RGL2: variants seen among roughly 807,000 people sequenced by gnomAD.
The protein encoded by RGL2 is ral guanine nucleotide dissociation stimulator like 2, also known as ral guanine nucleotide dissociation stimulator-like 2.
Under a neutral mutation model 84.6 loss-of-function variants are expected in RGL2, and 40 were observed. That is an observed-to-expected ratio of 0.47 (90% CI 0.37 to 0.62). The LOEUF (loss-of-function observed/expected upper bound fraction) is 0.62. Among genes scored for constraint, RGL2 ranks in the 20% least tolerant of loss-of-function variants. The probability of loss-of-function intolerance (pLI) is 0.00; values close to 1 mark genes in which losing one functional copy is unlikely to be tolerated. For synonymous variants in RGL2, 369 were observed against 417.3 expected, an observed-to-expected ratio of 0.88 and a Z score of 1.41; for missense variants, 865 against 1,019.7, an observed-to-expected ratio of 0.85 and a Z score of 2.07.
In RGL2 at chr6:33,297,133, G is replaced by T; in HGVS notation, c.157-18C>A. On this transcript the variant is annotated intron_variant, in intron 2 of 17. Coordinates refer to ENST00000497454, the MANE Select transcript of RGL2 (RefSeq NM_004761.5). The surrounding 1 kb of genome is among the most constrained non-coding windows in gnomAD (Gnocchi z 4.0). Reference sequence around the variant, plus strand: ...ACAGGGGCCTGGAGGAGCAAGGAAGGGGAAGTCAGACAGTTCCACACCACC... The same window carrying T: ...ACAGGGGCCTGGAGGAGCAAGGAAGTGGAAGTCAGACAGTTCCACACCACC... The T allele has an allele frequency of 6.5e-7, 1 of 1,536,180 alleles. No homozygotes were observed. Among genetic ancestry groups the T allele is most frequent in the Non-Finnish European group, 8.7e-7 (1 of 1,146,048 alleles).
At position 33,292,101 on chromosome 6, in the gene RGL2, C is replaced by T. The variant is rs1334180310; in HGVS notation, c.*1G>A. ...TTCTGTAAGCCAACGGGGCTTCCTC[C>T]TCAGAACAGTGCCCGTGCAATCTTC... On this transcript the variant is annotated 3_prime_UTR_variant, in exon 18 of 18. Transcript: ENST00000497454. The T allele has an allele frequency of 6.2e-7, 1 of 1,614,172 alleles. No individual in the cohort carries two copies. The highest frequency in any genetic ancestry group is 1.7e-5 in the Admixed American group (1 of 60,032).
At position 33,295,978 on chromosome 6, in the gene RGL2, G is replaced by A; in HGVS notation, c.768+50C>T. The A allele has an allele frequency of 1.2e-6, 2 of 1,601,572 alleles. No homozygotes were observed. The highest frequency in any genetic ancestry group is 1.7e-6 in the Non-Finnish European group (2 of 1,170,750). ...CAAGGAAAGGATCTGGAGTCAAGGA[G>A]AGGTTAGTAAGGGGTCAGGGGGCAT... On this transcript the variant is annotated intron_variant, in intron 6 of 17. Coordinates refer to ENST00000497454, the MANE Select transcript of RGL2 (RefSeq NM_004761.5). This position sits in a 1 kb window ranked among gnomAD's most constrained non-coding sequence, Gnocchi z 7.2.
Position 33,295,286 on chromosome 6 carries a change from C to A in RGL2, c.1124+33G>T. The A allele has an allele frequency of 6.4e-7, 1 of 1,560,492 alleles. No individual in the cohort carries two copies. The highest frequency in any genetic ancestry group is 8.7e-7 in the Non-Finnish European group (1 of 1,151,856). ...CCCTCTTCCCCGCCTTCTGAGGAAC[C>A]CCCACCCCAGTCCAATGCCTCAGCC... On this transcript the variant is annotated intron_variant, in intron 8 of 17. Coordinates refer to ENST00000497454, the MANE Select transcript of RGL2 (RefSeq NM_004761.5). This position sits in a 1 kb window ranked among gnomAD's most constrained non-coding sequence, Gnocchi z 7.2.
chr6:33,296,644 G>A lies in RGL2; in HGVS notation c.373C>T (p.Arg125Trp), dbSNP rs773253574. The A allele has an allele frequency of 5.6e-6, 9 of 1,613,864 alleles. No homozygotes were observed. Among genetic ancestry groups the A allele is most frequent in the Admixed American group, 1.7e-5 (1 of 60,018 alleles). ...AAGGCAGGCGTGGAGGTGAAGGCCC[G>A]GTGGGTAGCCAGGAAGGCTGACATG... is the stretch of plus-strand genomic sequence containing the variant. ...SFMSAFLATH[R>W]AFTSTPALLG... The change falls in exon 4 of 18, where the codon CGG becomes TGG. Residue 125 changes from arginine to tryptophan, a missense_variant. Coordinates refer to ENST00000497454, the MANE Select transcript of RGL2 (RefSeq NM_004761.5). The surrounding 1 kb of genome is among the most constrained non-coding windows in gnomAD (Gnocchi z 5.0).
Position 33,292,435 on chromosome 6 carries a change from T to C in RGL2, c.2117A>G (p.Glu706Gly). The C allele has an allele frequency of 6.2e-7, 1 of 1,613,986 alleles. No individual in the cohort carries two copies. The highest frequency in any genetic ancestry group is 8.5e-7 in the Non-Finnish European group (1 of 1,179,930). Reference sequence around the variant, plus strand: ...TTTCCCTCATGGCCTCTGACCTCGCTCCCCTGGTAGCAGCTGTACCAGCTC... The same window carrying C: ...TTTCCCTCATGGCCTCTGACCTCGCCCCCCTGGTAGCAGCTGTACCAGCTC... ...EYELVQLLPG[E>G]RELTIPASAN... is the part of the protein sequence containing the mutation. Residue 706 changes from glutamate to glycine, a missense_variant, in exon 17 of 18, where the codon GAG becomes GGG. Glu to Gly is a moderately conservative substitution (Grantham distance 98). Coordinates refer to ENST00000497454, the MANE Select transcript of RGL2 (RefSeq NM_004761.5).
rs77579659 is a variant in RGL2, at chr6:33,296,485, T to C, written c.420-21A>G. 3.0e-4 allele frequency: 482 copies of C among 1,596,428 alleles called. 6 individuals carry two copies. The East Asian group carries it at 9.9e-3, about 33-fold the overall frequency. Reference sequence around the variant, plus strand: ...CCAGCCTGAGGGGGAGAAGAGGATCTATCTGTCCATTTTTCCCAAACCCTC... The same window carrying C: ...CCAGCCTGAGGGGGAGAAGAGGATCCATCTGTCCATTTTTCCCAAACCCTC... On this transcript the variant is annotated intron_variant, in intron 4 of 17. Transcript: ENST00000497454. The surrounding 1 kb of genome is among the most constrained non-coding windows in gnomAD (Gnocchi z 5.0).
upstream of RGL2, chr6:33,300,060 G>C (rs1020803769): frequency 6.5e-6 from 1 of 154,196 alleles, no homozygotes; most frequent in Non-Finnish European, 1.5e-5. Context: ...GGGCAAGGGT[G>C]GACCAGGCAA....
rs2150935051 is a variant in RGL2 at position 33,294,882 on chromosome 6, C to T, written c.1278+95G>A. The T allele has an allele frequency of 1.3e-6, 2 of 1,493,048 alleles. No individual in the cohort carries two copies. The highest frequency in any genetic ancestry group is 4.9e-5 in the East Asian group (2 of 40,614). The allele number at this position is 1,493,048 out of a possible 1,614,324, so 92.5% of individuals were successfully genotyped here. On this transcript the variant is annotated intron_variant, in intron 10 of 17. Transcript: ENST00000497454. The surrounding 1 kb of genome is among the most constrained non-coding windows in gnomAD (Gnocchi z 5.0). ...TTTCATTCTCCTCACCCCTCTGTGCCTCCCTTACCCATCCTTCAGGCTGCT... is the reference window on the plus strand; with the variant it reads ...TTTCATTCTCCTCACCCCTCTGTGCTTCCCTTACCCATCCTTCAGGCTGCT...
Position 33,293,122 on chromosome 6 carries a change from C to T in RGL2, c.1901G>A (p.Gly634Glu). 2 of 1,613,144 alleles carry T rather than the reference C, an allele frequency of 1.2e-6. No homozygotes were observed. Among genetic ancestry groups the T allele is most frequent in the East Asian group, 2.2e-5 (1 of 44,886 alleles). Residue 634 changes from glycine to glutamate, a missense_variant, in exon 16 of 18, where the codon GGG becomes GAG. Around this residue, in one of 5 missense-constraint regions of RGL2, gnomAD observed 302 missense variants for 327.9 expected, o/e 0.92. Coordinates refer to ENST00000497454, the MANE Select transcript of RGL2 (RefSeq NM_004761.5). This position sits in a 1 kb window ranked among gnomAD's most constrained non-coding sequence, Gnocchi z 7.0. Reference protein sequence around the residue: ...LSGGAEEASGGTGYGGEGSGP... With the variant: ...LSGGAEEASGETGYGGEGSGP... Reference sequence around the variant, plus strand: ...AGATCCCTCTCCCCCATATCCAGTCCCCCCGGAGGCCTCTTCTGCACCCCC... The same window carrying T: ...AGATCCCTCTCCCCCATATCCAGTCTCCCCGGAGGCCTCTTCTGCACCCCC...
At position 33,296,411 on chromosome 6, in the gene RGL2, C is replaced by T. The variant is rs1344767744; in HGVS notation, c.470+3G>A. Reference sequence around the variant, plus strand: ...GTGAGATTAAGAACCAGGGGTCACTCACTCTGTTGTCCTCTCTAGTTCGTC... The same window carrying T: ...GTGAGATTAAGAACCAGGGGTCACTTACTCTGTTGTCCTCTCTAGTTCGTC... On this transcript the variant is annotated splice_donor_region_variant and intron_variant, in intron 5 of 17. Coordinates refer to ENST00000497454, the MANE Select transcript of RGL2 (RefSeq NM_004761.5). The surrounding 1 kb of genome is among the most constrained non-coding windows in gnomAD (Gnocchi z 5.0). 6.2e-7 allele frequency: 1 copy of T among 1,610,696 alleles called. No homozygotes were observed. The highest frequency in any genetic ancestry group is 1.7e-5 in the Admixed American group (1 of 59,562).
chr6:33,294,551 G>T lies in RGL2; in HGVS notation c.1353+137C>A. 6.0e-6 allele frequency: 5 copies of T among 839,090 alleles called. No homozygotes were observed. The highest frequency in any genetic ancestry group is 1.7e-5 in the South Asian group (1 of 59,164). 52.0% of individuals were successfully genotyped at this position (839,090 alleles called of 1,614,324 possible). A position where few individuals can be genotyped will look rare whatever the true frequency, so the allele number is the denominator to read the frequency against. On this transcript the variant is annotated intron_variant, in intron 11 of 17. Coordinates refer to ENST00000497454, the MANE Select transcript of RGL2 (RefSeq NM_004761.5). The surrounding 1 kb of genome is among the most constrained non-coding windows in gnomAD (Gnocchi z 5.0). ...CATTTACAGATCACTGAGGCGACTT[G>T]GCACAGAAACAGATCTGGCTCTGTC... is the stretch of plus-strand genomic sequence containing the variant.
At position 33,291,731 on chromosome 6, in the gene RGL2, T is replaced by C. The variant is rs1767403050; in HGVS notation, c.*371A>G. The C allele has an allele frequency of 2.5e-6, 1 of 400,844 alleles. No homozygotes were observed. The allele number at this position is 400,844 out of a possible 1,614,324, so 24.8% of individuals were successfully genotyped here. On this transcript the variant is annotated 3_prime_UTR_variant, in exon 18 of 18. Coordinates refer to ENST00000497454, the MANE Select transcript of RGL2 (RefSeq NM_004761.5). ...AAACCCCCAGAGTGGGAAGAAGAGC[T>C]CCTGCGAGGACCTACATTTTGCCAT...
chr6:33,292,214 G>C lies in RGL2; in HGVS notation c.2222C>G (p.Pro741Arg), dbSNP rs1208168975. ...GGCAGACGGGCCACTGGTGACGCCAGGTGTAGCAGTAGAGGACCTTCGCCG... is the reference window on the plus strand; with the variant it reads ...GGCAGACGGGCCACTGGTGACGCCACGTGTAGCAGTAGAGGACCTTCGCCG... ...RQRRRSSTAT[P>R]GVTSGPSASG... The change falls in exon 18 of 18, where the codon CCT becomes CGT. Residue 741 changes from proline to arginine, a missense_variant. Transcript: ENST00000497454. 6.2e-7 allele frequency: 1 copy of C among 1,614,224 alleles called. No individual in the cohort carries two copies. The highest frequency in any genetic ancestry group is 1.3e-5 in the African/African-American group (1 of 75,054).
Position 33,298,328 on chromosome 6 carries a change from G to A in RGL2, c.156+127C>T. 1 of 588,450 alleles carries A rather than the reference G, an allele frequency of 1.7e-6. No homozygotes were observed. 36.5% of individuals were successfully genotyped at this position (588,450 alleles called of 1,614,324 possible). ...AGGACTCCCCGCAGCAGAGAAACGG[G>A]CCGACACCCAGGGAGGCGCGAGAAT... is the stretch of plus-strand genomic sequence containing the variant. On this transcript the variant is annotated intron_variant, in intron 2 of 17. Transcript: ENST00000497454. This position sits in a 1 kb window ranked among gnomAD's most constrained non-coding sequence, Gnocchi z 4.8.
At position 33,298,052 on chromosome 6, in the gene RGL2, T is replaced by G. The variant is rs985729710; in HGVS notation, c.156+403A>C. Reference sequence around the variant, plus strand: ...AAGGAGGGGTCACGAAATCTGAGGGTTCCCTCCCCAATCCCAGAGTCAGAG... The same window carrying G: ...AAGGAGGGGTCACGAAATCTGAGGGGTCCCTCCCCAATCCCAGAGTCAGAG... On this transcript the variant is annotated intron_variant, in intron 2 of 17. Coordinates refer to ENST00000497454, the MANE Select transcript of RGL2 (RefSeq NM_004761.5). The surrounding 1 kb of genome is among the most constrained non-coding windows in gnomAD (Gnocchi z 4.8). 1.2e-4 allele frequency: 18 copies of G among 156,000 alleles called. No individual in the cohort carries two copies. Among genetic ancestry groups the G allele is most frequent in the Admixed American group, 2.6e-4 (4 of 15,370 alleles). The allele number at this position is 156,000 out of a possible 1,614,324, so 9.7% of individuals were successfully genotyped here.
chr6:33,296,593 C>G lies in RGL2; in HGVS notation c.419+5G>C. On this transcript the variant is annotated splice_donor_5th_base_variant and intron_variant, in intron 4 of 17. Coordinates refer to ENST00000497454, the MANE Select transcript of RGL2 (RefSeq NM_004761.5). This position sits in a 1 kb window ranked among gnomAD's most constrained non-coding sequence, Gnocchi z 5.0. ...CCACTACCCTGCGTCCCTTATGACT[C>G]TGACCTGTCAGCCATAAGCCCTAGC... is the stretch of plus-strand genomic sequence containing the variant. 6.2e-7 allele frequency: 1 copy of G among 1,611,736 alleles called. No individual in the cohort carries two copies. The highest frequency in any genetic ancestry group is 8.5e-7 in the Non-Finnish European group (1 of 1,178,896).
chr6:33,292,534 T>C lies in RGL2; in HGVS notation c.2018A>G (p.Gln673Arg). The C allele has an allele frequency of 6.2e-7, 1 of 1,614,016 alleles. No individual in the cohort carries two copies. The highest frequency in any genetic ancestry group is 8.5e-7 in the Non-Finnish European group (1 of 1,179,878). Residue 673 changes from glutamine to arginine, a missense_variant, in exon 17 of 18, where the codon CAG (glutamine) becomes CGG (arginine). By Grantham distance (43) the Gln-to-Arg change is conservative. Transcript: ENST00000497454. Reference protein sequence around the residue: ...SVYKSILVTSQDKAPSVISRV... With the variant: ...SVYKSILVTSRDKAPSVISRV... ...ACTGATGACACTTGGAGCCTTGTCC[T>C]GGCTTGTCACCTGGCAGAACAGGAG...
Position 33,294,315 on chromosome 6 carries a change from G to A in RGL2, c.1354-249C>T, listed in dbSNP as rs1038803056. On this transcript the variant is annotated intron_variant, in intron 11 of 17. Coordinates refer to ENST00000497454, the MANE Select transcript of RGL2 (RefSeq NM_004761.5). The surrounding 1 kb of genome is among the most constrained non-coding windows in gnomAD (Gnocchi z 5.0). The stretch of plus-strand genomic sequence containing the variant: ...GCTTTGCAGATGAGAGGACTGGATA[G>A]TATCCAATTCGACAGGATTCCTTAT... Among the ~76,000 whole-genome samples, 12 of 152,034 alleles carry A rather than the reference G, an allele frequency of 7.9e-5. No homozygotes were observed. The highest frequency in any genetic ancestry group is 2.9e-4 in the African/African-American group (12 of 41,404).
rs2150937234 is a variant in RGL2, at chr6:33,295,461, C to T, written c.1021-39G>A. Reference sequence around the variant, plus strand: ...AGAAGAGAGCTAAGGCTATGGGAGGCCTCTCCATTCCATGGCCACAAACCG... The same window carrying T: ...AGAAGAGAGCTAAGGCTATGGGAGGTCTCTCCATTCCATGGCCACAAACCG... On this transcript the variant is annotated intron_variant, in intron 7 of 17. Coordinates refer to ENST00000497454, the MANE Select transcript of RGL2 (RefSeq NM_004761.5). The surrounding 1 kb of genome is among the most constrained non-coding windows in gnomAD (Gnocchi z 7.2). 6.2e-7 allele frequency: 1 copy of T among 1,613,258 alleles called. No homozygotes were observed. Among genetic ancestry groups the T allele is most frequent in the Non-Finnish European group, 8.5e-7 (1 of 1,179,822 alleles).
Sources: gnomAD v4.1 joint callset for allele counts (sites outside exome capture counted in the v4.1 genomes callset) on GRCh38, gnomAD v4.1.1 for gene constraint, gnomAD v4.1.1 regional missense constraint, Gnocchi (gnomAD v3.1) non-coding constraint, MANE v1.5 for transcripts, NCBI Gene and HGNC (gene_info 2026-07-23, HGNC 2026-07-21) for gene names.